Variants in NXPH1 observed in about 807,000 individuals in gnomAD.
NXPH1 encodes the protein neurexophilin 1.
A neutral mutation model predicts 23.7 loss-of-function variants in NXPH1; 5 were observed. That is an observed-to-expected ratio of 0.21 (90% CI 0.11 to 0.44). The LOEUF is 0.44. NXPH1 is among the 20% of genes least tolerant of loss of function. The pLI, the probability that NXPH1 is intolerant of heterozygous loss-of-function variation, is 0.99. For missense variants in NXPH1, 324 were observed against 321.6 expected (o/e 1.01, Z -0.06); for synonymous variants, 144 against 122.2 (o/e 1.18, Z -1.18).
intron 2 of NXPH1, among the ~76,000 whole-genome samples, chr7:8,565,414 A>G (rs370605868): frequency 6.6e-6 from 1 of 151,820 alleles, no homozygotes; most frequent in Non-Finnish European, 1.5e-5. Context: ...ATTGAAACAT[A>G]GAATCTAGAT....
chr7:8,687,681 G>C (rs1821168380), intron 2 of NXPH1, among the ~76,000 whole-genome samples: 1 of 152,108 alleles, frequency 6.6e-6, no homozygotes, highest in Non-Finnish European at 1.5e-5. Flanking sequence ...TTGAGAAATA[G>C]AGATAATAAC....
chr7:8,611,082 A>G (rs1378227795), intron 2 of NXPH1, among the ~76,000 whole-genome samples: 1 of 152,162 alleles, frequency 6.6e-6, no homozygotes, highest in Non-Finnish European at 1.5e-5. Flanking sequence ...CAAATGAGTT[A>G]TCATTCTCAT....
chr7:8,603,393 G>T (rs953353629), intron 2 of NXPH1, among the ~76,000 whole-genome samples: 1 of 152,146 alleles, frequency 6.6e-6, no homozygotes, highest in East Asian at 1.9e-4. Flanking sequence ...CTTTTTAAAC[G>T]TTATTGTTCT....
chr7:8,457,477 G>T (rs1414124209), intron 2 of NXPH1, among the ~76,000 whole-genome samples: 1 of 151,934 alleles, frequency 6.6e-6, no homozygotes. Flanking sequence ...GGAAAACCGA[G>T]GGTCTAGTCA....
At chr7:8,653,963 C>T (rs1820531426) in intron 2 of NXPH1, among the ~76,000 whole-genome samples, 1 of 152,168 alleles carries the variant, frequency 6.6e-6, no homozygotes. Flanking sequence ...TAAGAGTTAA[C>T]TTTGCTTGGA....
intron 2 of NXPH1, among the ~76,000 whole-genome samples, chr7:8,496,620 C>G (rs528067727): frequency 2.6e-5 from 4 of 151,974 alleles, no homozygotes; most frequent in Non-Finnish European, 5.9e-5. Context: ...ACAGTAGCAT[C>G]GCCTGGGAAC....
At chr7:8,513,148 C>T (rs975052277) in intron 2 of NXPH1, among the ~76,000 whole-genome samples, 9 of 152,096 alleles carry the variant, frequency 5.9e-5, no homozygotes, top group Non-Finnish European at 8.8e-5. Flanking sequence ...AATGAGAGAA[C>T]GTTACTTGGG....
chr7:8,610,979 C>G (rs1011661824), intron 2 of NXPH1, among the ~76,000 whole-genome samples: 3 of 152,088 alleles, frequency 2.0e-5, no homozygotes, highest in Admixed American at 2.0e-4. Context: ...TAACTTGAGT[C>G]ACAATAGCAC....
At chr7:8,604,452 A>T (rs533626674) in intron 2 of NXPH1, among the ~76,000 whole-genome samples, 55 of 152,216 alleles carry the variant, frequency 3.6e-4, no homozygotes, top group African/African-American at 1.3e-3. Context: ...TAGTTGCGCT[A>T]TTCCTGCTTT....
Position 8,616,240 on chromosome 7 carries a change from A to C in NXPH1, c.55-134768A>C, listed in dbSNP as rs140405007. ...TGTTCTTGCTGTTCCTTGAACATAT[A>C]GGTAAACTTCATTTTGAAGTCTTTT... On this transcript the variant is annotated intron_variant, in intron 2 of 2. Coordinates refer to ENST00000405863, the MANE Select transcript of NXPH1 (RefSeq NM_152745.3). Among the ~76,000 whole-genome samples the C allele has an allele frequency of 2.4e-3, 366 of 151,670 alleles. 2 individuals are homozygous for C. The highest frequency in any genetic ancestry group is 8.4e-3 in the African/African-American group (345 of 41,252).
chr7:8,741,242 C>T (rs1478292105), intron 2 of NXPH1, among the ~76,000 whole-genome samples: 1 of 152,132 alleles, frequency 6.6e-6, no homozygotes, highest in Non-Finnish European at 1.5e-5. Context: ...TAATAATTTT[C>T]TCATCCATTA....
chr7:8,735,855 T>C (rs894847421), intron 2 of NXPH1, among the ~76,000 whole-genome samples: 2 of 152,184 alleles, frequency 1.3e-5, no homozygotes. Context: ...CTTCTTTGTT[T>C]AGTCTTGGGA....
intron 2 of NXPH1, among the ~76,000 whole-genome samples, chr7:8,532,468 T>TGGGG (rs761410034): frequency 1.5e-3 from 31 of 20,260 alleles, no homozygotes; most frequent in Non-Finnish European, 2.4e-3. Flanking sequence ...ATATTTTTTT[T>TGGGG]GGGGGGGGGG....
chr7:8,690,548 G>A (rs1336014843), intron 2 of NXPH1, among the ~76,000 whole-genome samples: 2 of 152,116 alleles, frequency 1.3e-5, no homozygotes, highest in Non-Finnish European at 2.9e-5. Flanking sequence ...GGGAATTAAT[G>A]ATATCAACAA....
intron 2 of NXPH1, among the ~76,000 whole-genome samples, chr7:8,623,831 G>T (rs1366535485): frequency 6.6e-6 from 1 of 151,518 alleles, no homozygotes; most frequent in African/African-American, 2.4e-5. Flanking sequence ...GGCTTTGTAT[G>T]TATTTATATC....
chr7:8,622,063 G>A (rs1445969490), intron 2 of NXPH1, among the ~76,000 whole-genome samples: 1 of 152,064 alleles, frequency 6.6e-6, no homozygotes, highest in Non-Finnish European at 1.5e-5. Flanking sequence ...AATATTCGGA[G>A]TTACTACTAG....
intron 2 of NXPH1, among the ~76,000 whole-genome samples, chr7:8,455,213 A>T (rs1816574811): frequency 6.6e-6 from 1 of 152,192 alleles, no homozygotes; most frequent in Non-Finnish European, 1.5e-5. Flanking sequence ...ATCTAATAAA[A>T]GGAGATTAAA....
At chr7:8,656,041 G>A (rs970525) in intron 2 of NXPH1, among the ~76,000 whole-genome samples, 106,373 of 152,108 alleles carry the variant, frequency 0.7, 38,110 homozygotes, top group East Asian at 1. Flanking sequence ...GTGCATAGCA[G>A]TTTGGTGGCA....
At chr7:8,567,997 G>A (rs564527594) in intron 2 of NXPH1, among the ~76,000 whole-genome samples, 2 of 151,808 alleles carry the variant, frequency 1.3e-5, no homozygotes, top group African/African-American at 2.4e-5. Flanking sequence ...AATCTGTGTG[G>A]GTGAAAATAA....
Sources: allele counts gnomAD v4.1 joint callset (sites outside exome capture counted in the v4.1 genomes callset), GRCh38; gene constraint gnomAD v4.1.1; transcripts MANE v1.5; gene names NCBI Gene and HGNC (gene_info 2026-07-23, HGNC 2026-07-21).